The following RABEP1 variants were observed in gnomAD, a reference collection of about 807,000 sequenced individuals.
RABEP1 encodes the protein rab GTPase-binding effector protein 1.
A neutral mutation model predicts 123.4 loss-of-function variants in RABEP1; 51 were observed. The ratio of observed to expected loss-of-function variants is 0.41; its 90% confidence interval spans 0.33 to 0.52. The LOEUF is 0.52. Ranked by LOEUF, RABEP1 falls within the 20% of genes least tolerant of loss-of-function variation. The pLI is 0.16. For missense variants in RABEP1, 888 were observed against 996.3 expected (o/e 0.89, Z 1.46); for synonymous variants, 347 against 355.2 (o/e 0.98, Z 0.26).
chr17:5,323,079 AAAAC>A (rs1394609876), intron 2 of RABEP1, among the ~76,000 whole-genome samples: 2 of 152,196 alleles, frequency 1.3e-5, no homozygotes, highest in African/African-American at 4.8e-5. Flanking sequence ...TGTCTCAAAA[AAAAC>A]AAACAACAAC....
At chr17:5,375,116 T>C (rs1346754385) in intron 13 of RABEP1, among the ~76,000 whole-genome samples, 1 of 151,250 alleles carries the variant, frequency 6.6e-6, no homozygotes, top group Non-Finnish European at 1.5e-5. Flanking sequence ...TTTTTTTTTT[T>C]CCTTTTTAAG....
At chr17:5,370,018 C>T (rs1178787218) in intron 12 of RABEP1, among the ~76,000 whole-genome samples, 1 of 152,170 alleles carries the variant, frequency 6.6e-6, no homozygotes, top group Non-Finnish European at 1.5e-5. Flanking sequence ...TCTCTTAAAA[C>T]CATCAGCCCT....
chr17:5,367,303 G>GCTGTGT (rs1160901551), intron 11 of RABEP1, among the ~76,000 whole-genome samples: 1 of 147,098 alleles, frequency 6.8e-6, no homozygotes, highest in Admixed American at 6.8e-5. Context: ...TTTTTGTCTC[G>GCTGTGT]CTGTGTCGCC....
At chr17:5,328,932 C>CAA (rs1353065128) in intron 2 of RABEP1, among the ~76,000 whole-genome samples, 3 of 104,502 alleles carry the variant, frequency 2.9e-5, no homozygotes, top group Non-Finnish European at 5.9e-5. Flanking sequence ...GAGACTGTCT[C>CAA]AAAAAAAAAA....
At chr17:5,350,390 A>G in intron 6 of RABEP1, 61 bp from the exon 7 acceptor site, 2 of 1,543,340 alleles carry the variant, frequency 1.3e-6, no homozygotes, top group African/African-American at 1.4e-5. Flanking sequence ...AAAAAAAAAA[A>G]GAAATTGCCT....
intron 1 of RABEP1, among the ~76,000 whole-genome samples, chr17:5,283,147 C>T (rs1172547938): frequency 6.6e-6 from 1 of 151,838 alleles, no homozygotes; most frequent in Non-Finnish European, 1.5e-5. Flanking sequence ...ACGAATTAAC[C>T]AAGAGGTTAA....
chr17:5,327,507 T>C (rs1906099207), intron 2 of RABEP1, among the ~76,000 whole-genome samples: 1 of 152,288 alleles, frequency 6.6e-6, no homozygotes, highest in Admixed American at 6.5e-5. Context: ...GTTGTGTATG[T>C]TTTTTGTTGT....
chr17:5,350,827 G>T (rs1193549865), intron 7 of RABEP1, among the ~76,000 whole-genome samples, 198 bp downstream of exon 7: 2 of 152,126 alleles, frequency 1.3e-5, no homozygotes, highest in Non-Finnish European at 2.9e-5. Context: ...CCTCTCGGGG[G>T]TGGGGAAACT....
In RABEP1 at chr17:5,361,449, A is replaced by T. The variant is rs1369387451; in HGVS notation, c.1337A>T (p.Asp446Val). Residue 446 changes from aspartate (D) to valine (V), a missense_variant, in exon 9 of 18, where the codon GAT becomes GTT. Coordinates refer to ENST00000537505, the MANE Select transcript of RABEP1 (RefSeq NM_004703.6). ...ESDFGPLVGADSVSENFDTAS... is the reference protein window; with the variant it reads ...ESDFGPLVGAVSVSENFDTAS... ...GATTTTGGACCACTGGTAGGAGCAG[A>T]TTCAGTGTCTGAGAACTTTGATACT... 6.2e-7 allele frequency: 1 copy of T among 1,614,092 alleles called. No homozygotes were observed. The highest frequency in any genetic ancestry group is 8.5e-7 in the Non-Finnish European group (1 of 1,180,044).
In RABEP1 at chr17:5,386,292, A is replaced by C. The variant is rs766404949; in HGVS notation, c.*3069A>C. On this transcript the variant is annotated 3_prime_UTR_variant, in exon 18 of 18. Transcript: ENST00000537505. Reference sequence around the variant, plus strand: ...CCCCTGTAAAATTGTAAAGTCACTCACTTTTGGAATTATAATAAACCATTT... The same window carrying C: ...CCCCTGTAAAATTGTAAAGTCACTCCCTTTTGGAATTATAATAAACCATTT... 1.3e-6 allele frequency: 2 copies of C among 1,561,032 alleles called. No homozygotes were observed. The highest frequency in any genetic ancestry group is 2.7e-5 in the African/African-American group (2 of 73,198).
chr17:5,368,481 T>G lies in RABEP1; in HGVS notation c.1884+13T>G. The G allele has an allele frequency of 1.3e-6, 2 of 1,565,972 alleles. No homozygotes were observed. Among genetic ancestry groups the G allele is most frequent in the Non-Finnish European group, 1.8e-6 (2 of 1,137,022 alleles). On this transcript the variant is annotated intron_variant, in intron 12 of 17. Transcript: ENST00000537505. ...TCAGGAACAGATGGTAAGTTTACATTTTAAGTAAATGACAACTATGTTACT... is the reference window on the plus strand; with the variant it reads ...TCAGGAACAGATGGTAAGTTTACATGTTAAGTAAATGACAACTATGTTACT...
At position 5,383,394 on chromosome 17, in the gene RABEP1, C is replaced by T; in HGVS notation, c.*171C>T. On this transcript the variant is annotated 3_prime_UTR_variant, in exon 18 of 18. Transcript: ENST00000537505. ...ACTGTGCGGCACAGGAAACAGCAAA[C>T]AGTGGGGTGATCTGCAGCCCAGAGA... 1 of 612,754 alleles carries T rather than the reference C, an allele frequency of 1.6e-6. No homozygotes were observed. The highest frequency in any genetic ancestry group is 2.8e-5 in the East Asian group (1 of 35,862). 38.0% of individuals were successfully genotyped at this position (612,754 alleles called of 1,614,324 possible).
chr17:5,363,536 A>G (rs1271135824), intron 10 of RABEP1, among the ~76,000 whole-genome samples: 1 of 151,854 alleles, frequency 6.6e-6, no homozygotes, highest in Admixed American at 6.6e-5. Flanking sequence ...GTTTTTGTAT[A>G]TCTGCACAGG....
At chr17:5,294,462 A>G (rs146710114) in intron 1 of RABEP1, among the ~76,000 whole-genome samples, 97 of 152,112 alleles carry the variant, frequency 6.4e-4, no homozygotes, top group African/African-American at 2.2e-3. Context: ...TTTACATTGT[A>G]TTAGGTATTA....
At chr17:5,306,183 A>G (rs1263200453) in intron 1 of RABEP1, among the ~76,000 whole-genome samples, 1 of 152,198 alleles carries the variant, frequency 6.6e-6, no homozygotes, top group African/African-American at 2.4e-5. Flanking sequence ...CAGAATGCTT[A>G]TATTAGCCTG....
intron 15 of RABEP1, among the ~76,000 whole-genome samples, chr17:5,379,099 C>T (rs3026107): frequency 1.6e-3 from 248 of 152,282 alleles, no homozygotes; most frequent in African/African-American, 5.7e-3. Context: ...TCCTAAGTTG[C>T]GTCTCTTCCA....
At chr17:5,379,989 A>C (rs1275279280) in intron 15 of RABEP1, among the ~76,000 whole-genome samples, 1 of 152,178 alleles carries the variant, frequency 6.6e-6, no homozygotes, top group East Asian at 1.9e-4. Flanking sequence ...TTATTGGAGT[A>C]TCTCTCCATC....
chr17:5,304,186 TTATTG>T (rs2075160485), intron 1 of RABEP1, among the ~76,000 whole-genome samples: 1 of 152,184 alleles, frequency 6.6e-6, no homozygotes, highest in Non-Finnish European at 1.5e-5. Flanking sequence ...CTCCATTTAT[TTATTG>T]TATTCTTTTT....
At chr17:5,381,960 A>G (rs556883932) in intron 17 of RABEP1, among the ~76,000 whole-genome samples, 4 of 152,238 alleles carry the variant, frequency 2.6e-5, no homozygotes, top group Non-Finnish European at 5.9e-5. Context: ...TAGGTCCCTG[A>G]GCTGGGCTAA....
Sources: gnomAD v4.1 joint callset for allele counts (sites outside exome capture counted in the v4.1 genomes callset) on GRCh38, gnomAD v4.1.1 for gene constraint, MANE v1.5 for transcripts, NCBI Gene and HGNC (gene_info 2026-07-23, HGNC 2026-07-21) for gene names.